The following NTRK3 variants were observed in gnomAD, a reference collection of about 807,000 sequenced individuals.
NTRK3 encodes NT-3 growth factor receptor.
NTRK3 carries 24 observed loss-of-function variants against 91.7 expected under a neutral mutation model. The ratio of observed to expected loss-of-function variants is 0.26; its 90% CI spans 0.19 to 0.37. The LOEUF (loss-of-function observed/expected upper bound fraction) is 0.37, where lower values mean the gene tolerates loss of function less well. Among genes scored for constraint, NTRK3 ranks in the 10% least tolerant of loss-of-function variants. NTRK3 has a pLI of 1.00. For synonymous variants in NTRK3, 483 were observed against 404.0 expected (o/e 1.20, Z -2.34); for missense variants, 880 against 1,068.9 (o/e 0.82, Z 2.46).
At chr15:88,180,747 C>T (rs574548200) in intron 5 of NTRK3, among the ~76,000 whole-genome samples, 1 of 148,992 alleles carries the variant, frequency 6.7e-6, no homozygotes, top group East Asian at 2.0e-4. Context: ...AAGTGATCAT[C>T]TTGTGATTGC....
chr15:88,007,883 C>T (rs2076607035), intron 14 of NTRK3, among the ~76,000 whole-genome samples: 2 of 152,128 alleles, frequency 1.3e-5, no homozygotes, highest in South Asian at 4.1e-4. Context: ...TGCCTTATAC[C>T]CTATGATGCT....
At chr15:87,930,324 G>A (rs1047019424) in intron 16 of NTRK3, among the ~76,000 whole-genome samples, 4 of 152,180 alleles carry the variant, frequency 2.6e-5, no homozygotes, top group African/African-American at 9.7e-5. Context: ...AAAGCCCAGT[G>A]AGCCGTAACC....
intron 13 of NTRK3, among the ~76,000 whole-genome samples, chr15:88,061,604 C>A (rs887207970): frequency 6.6e-6 from 1 of 152,250 alleles, no homozygotes; most frequent in Non-Finnish European, 1.5e-5. Context: ...CGGACACTCA[C>A]GCCCCCGCAG....
rs997416604 is a variant in NTRK3 at position 87,915,769 on chromosome 15, G to T, written c.2133+13422C>A. 3.3e-5 allele frequency among the ~76,000 whole-genome samples: 5 copies of T among 152,140 alleles called. No individual in the cohort carries two copies. In the East Asian group the frequency reaches 9.6e-4, roughly 29 times the overall value. On this transcript the variant is annotated intron_variant, in intron 17 of 18. Transcript: ENST00000394480. ...AATAGCCATCTATTGGGTGCCTAAT[G>T]GGTACTGGCAATTTGAATACTTATC...
At chr15:88,101,914 C>T (rs1332920232) in intron 13 of NTRK3, among the ~76,000 whole-genome samples, 3 of 152,034 alleles carry the variant, frequency 2.0e-5, no homozygotes, top group Non-Finnish European at 2.9e-5. Flanking sequence ...TTACCTAATG[C>T]TAAATGACGA....
chr15:88,133,734 G>C (rs1232183003), intron 10 of NTRK3, among the ~76,000 whole-genome samples: 1 of 152,182 alleles, frequency 6.6e-6, no homozygotes, highest in Non-Finnish European at 1.5e-5. Context: ...AGCACAGTGT[G>C]ACCCAGGAGG....
chr15:88,225,134 G>A (rs557213209), intron 3 of NTRK3, among the ~76,000 whole-genome samples: 1 of 152,292 alleles, frequency 6.6e-6, no homozygotes, highest in East Asian at 1.9e-4. Flanking sequence ...CTGGGCCAGA[G>A]GGTGATGGCA....
chr15:88,036,161 AG>A (rs2079052185), intron 13 of NTRK3, among the ~76,000 whole-genome samples: 1 of 152,158 alleles, frequency 6.6e-6, no homozygotes, highest in South Asian at 2.1e-4. Flanking sequence ...AATTAACACA[AG>A]TGCACAACTA....
rs527344733 is a variant in NTRK3, at chr15:88,095,659, G to C, written c.1396+30612C>G. Among the ~76,000 whole-genome samples, 5 of 152,288 alleles carry C rather than the reference G, an allele frequency of 3.3e-5. No homozygotes were observed. In the East Asian group the frequency reaches 9.7e-4, roughly 29 times the overall value. On this transcript the variant is annotated intron_variant, in intron 13 of 18. Transcript: ENST00000394480. ...ACCAGTTGAATCCAAATAAATAGGT[G>C]CATAACCCTCCCCAGGTTTAGAAGG...
chr15:88,085,779 T>A (rs1309015533), intron 13 of NTRK3, among the ~76,000 whole-genome samples: 1 of 152,214 alleles, frequency 6.6e-6, no homozygotes, highest in East Asian at 1.9e-4. Flanking sequence ...AAACTGGGCT[T>A]GATGACAGTC....
At chr15:88,120,564 C>T (rs928871104) in intron 13 of NTRK3, among the ~76,000 whole-genome samples, 3 of 152,170 alleles carry the variant, frequency 2.0e-5, no homozygotes, top group South Asian at 4.1e-4. Context: ...TCCTGCCACG[C>T]GTGCAGTCTC....
intron 17 of NTRK3, chr15:87,926,571 G>A (rs1458576019): frequency 6.6e-6 from 1 of 152,206 alleles, no homozygotes; most frequent in East Asian, 1.9e-4. Context: ...GGCACCTACA[G>A]AAATTAGATA....
chr15:88,245,514 G>A (rs7182602), intron 3 of NTRK3, among the ~76,000 whole-genome samples: 124,023 of 152,094 alleles, frequency 0.82, 51,352 homozygotes, highest in East Asian at 0.97. Flanking sequence ...TGAAAAGTTC[G>A]GGATGCAGGA....
intron 14 of NTRK3, among the ~76,000 whole-genome samples, chr15:87,981,726 C>T (rs1200851101): frequency 1.3e-5 from 2 of 152,138 alleles, no homozygotes; most frequent in Non-Finnish European, 2.9e-5. Flanking sequence ...CATTCCTGGG[C>T]CTGGATGGAT....
At chr15:88,081,283 G>C (rs1331342911) in intron 13 of NTRK3, among the ~76,000 whole-genome samples, 1 of 152,160 alleles carries the variant, frequency 6.6e-6, no homozygotes, top group East Asian at 1.9e-4. Flanking sequence ...GAAGGATGGG[G>C]TGGAGTGGGA....
At chr15:88,184,372 C>T in intron 3 of NTRK3, 73 bp from the exon 4 acceptor site, 2 of 1,432,648 alleles carry the variant, frequency 1.4e-6, no homozygotes, top group South Asian at 1.2e-5. Context: ...GCCACAGAGA[C>T]CTGGCTTTGA....
intron 5 of NTRK3, among the ~76,000 whole-genome samples, chr15:88,154,110 CAA>C (rs397736752): frequency 8.1e-5 from 7 of 86,590 alleles, no homozygotes; most frequent in Admixed American, 1.4e-4. Context: ...ATAGACTTTG[CAA>C]AAAAAAAAAA....
chr15:88,242,871 C>A (rs562686567), intron 3 of NTRK3, among the ~76,000 whole-genome samples: 1 of 152,364 alleles, frequency 6.6e-6, no homozygotes, highest in African/African-American at 2.4e-5. Flanking sequence ...GCTGCACACA[C>A]CGCCAATGCC....
intron 14 of NTRK3, among the ~76,000 whole-genome samples, chr15:87,966,073 CT>C (rs2072764028): frequency 2.9e-5 from 4 of 139,300 alleles, no homozygotes; most frequent in Non-Finnish European, 6.2e-5. Flanking sequence ...GCAAAACTGT[CT>C]CAAACAAACA....
Sources: gnomAD v4.1 joint callset for allele counts (sites outside exome capture counted in the v4.1 genomes callset) on GRCh38, gnomAD v4.1.1 for gene constraint, MANE v1.5 for transcripts, NCBI Gene and HGNC (gene_info 2026-07-23, HGNC 2026-07-21) for gene names.